IQSEC2: variants seen among roughly 807,000 people sequenced by gnomAD.
The protein encoded by IQSEC2 is IQ motif and Sec7 domain ArfGEF 2, also known as IQ motif and SEC7 domain-containing protein 2.
A neutral mutation model predicts 74.6 loss-of-function variants in IQSEC2; 6 were observed. The observed-to-expected ratio is 0.08, with a 90% CI of 0.04 to 0.16. IQSEC2 has a LOEUF of 0.16. IQSEC2 is among the 10% of genes least tolerant of loss of function. IQSEC2 has a pLI of 1.00. For missense variants in IQSEC2, 734 were observed against 1,306.2 expected (o/e 0.56, Z 6.75); for synonymous variants, 494 against 544.5 (o/e 0.91, Z 1.29).
chrX:53,262,715 G>GGCTT (rs782579005), intron 2 of IQSEC2, among the ~76,000 whole-genome samples: 1 of 112,716 alleles, frequency 8.9e-6, no homozygotes, highest in East Asian at 2.8e-4. Context: ...AGCCCAGCCT[G>GGCTT]GCTTGGCACA....
At position 53,250,651 on chromosome X, in the gene IQSEC2, G is replaced by T; in HGVS notation, c.1925C>A (p.Pro642Gln). 8.3e-7 allele frequency: 1 copy of T among 1,209,411 alleles called. No individual in the cohort carries two copies. The highest frequency in any genetic ancestry group is 1.1e-6 in the Non-Finnish European group (1 of 894,448). ...LKHKGPPGRAPIPHRHYPAPE... is the reference protein window; with the variant it reads ...LKHKGPPGRAQIPHRHYPAPE... ...GGCTGGGTAGTGGCGGTGTGGGATC[G>T]GGGCCCTGCCTGGTGGCCCCTTGTG... The change falls in exon 5 of 15, where the codon CCG becomes CAG. Residue 642 changes from proline to glutamine, a missense_variant. Pro to Gln is a moderately conservative substitution (Grantham distance 76). This residue lies in a region of IQSEC2 where 204 missense variants were observed against 305.4 expected (regional missense o/e 0.67). Coordinates refer to ENST00000642864, the MANE Select transcript of IQSEC2 (RefSeq NM_001111125.3).
intron 2 of IQSEC2, among the ~76,000 whole-genome samples, chrX:53,270,829 G>A (rs1310580798): frequency 2.7e-5 from 3 of 110,003 alleles, no homozygotes; most frequent in East Asian, 2.9e-4. Flanking sequence ...CTCTCTCCCC[G>A]GTTACCTCTT....
At chrX:53,289,262 C>G (rs782054084) in intron 2 of IQSEC2, among the ~76,000 whole-genome samples, 20 of 110,804 alleles carry the variant, frequency 1.8e-4, no homozygotes, top group Admixed American at 5.7e-4. Flanking sequence ...ACCCACCCCC[C>G]AAATGGAGGC....
At chrX:53,235,706 G>A (rs1164517909) in intron 14 of IQSEC2, 77 bp downstream of exon 14, 1 of 1,045,526 alleles carries the variant, frequency 9.6e-7, no homozygotes, top group East Asian at 3.3e-5. Flanking sequence ...GGAGCAACAG[G>A]TCCCCTCCTC....
At chrX:53,314,676 A>C (rs782099114) in intron 1 of IQSEC2, among the ~76,000 whole-genome samples, 1 of 112,035 alleles carries the variant, frequency 8.9e-6, no homozygotes, top group South Asian at 3.7e-4. Flanking sequence ...GTCTGTACAA[A>C]GACGAGAGGA....
chrX:53,313,645 G>A (rs1556878459), intron 1 of IQSEC2, among the ~76,000 whole-genome samples: 1 of 112,281 alleles, frequency 8.9e-6, no homozygotes, highest in Non-Finnish European at 1.9e-5. Flanking sequence ...GAGGGGCCAA[G>A]TCTTATGTCA....
In IQSEC2 at chrX:53,275,728, C is replaced by CTTT. The variant is rs1219701474; in HGVS notation, c.737+16164_737+16166dup. ...AACAGAACAACAAGTTGCCCTCATT[C>CTTT]TTTTTTTTTTTTTTTTTTTTGAGAC... On this transcript the variant is annotated intron_variant, in intron 2 of 14. Coordinates refer to ENST00000642864, the MANE Select transcript of IQSEC2 (RefSeq NM_001111125.3). 6.4e-3 allele frequency among the ~76,000 whole-genome samples: 525 copies of CTTT among 81,662 alleles called. 13 individuals carry two copies. Among genetic ancestry groups the CTTT allele is most frequent in the African/African-American group, 0.023 (489 of 21,199 alleles). 70.9% of individuals were successfully genotyped at this position (81,662 alleles called of 115,157 possible). A position where few individuals can be genotyped will look rare whatever the true frequency, so the allele number is the denominator to read the frequency against.
intron 2 of IQSEC2, chrX:53,279,437 C>G (rs2147249912): frequency 4.3e-6 from 2 of 462,886 alleles, no homozygotes; most frequent in East Asian, 3.5e-5. Flanking sequence ...AGGCACTCTC[C>G]TCATACACTC....
chrX:53,240,240 T>C (rs2074197605), intron 10 of IQSEC2, among the ~76,000 whole-genome samples: 1 of 112,075 alleles, frequency 8.9e-6, no homozygotes. Flanking sequence ...CAACTGGGGG[T>C]GATATTGCCC....
intron 8 of IQSEC2, among the ~76,000 whole-genome samples, chrX:53,243,742 T>C (rs1237243095): frequency 1.8e-5 from 2 of 112,028 alleles, no homozygotes; most frequent in Non-Finnish European, 3.8e-5. Flanking sequence ...GCCTTCCTAA[T>C]TAGCAAAAAT....
Position 53,238,193 on chromosome X carries a change from G to A in IQSEC2, c.3229C>T (p.Arg1077Cys), listed in dbSNP as rs782569979. The A allele has an allele frequency of 5.0e-6, 6 of 1,208,650 alleles. No homozygotes were observed. Among genetic ancestry groups the A allele is most frequent in the Non-Finnish European group, 6.7e-6 (6 of 894,240 alleles). The change falls in exon 12 of 15, where the codon CGC becomes TGC. Residue 1077 changes from arginine (R) to cysteine (C), a missense_variant. This residue lies in a region of IQSEC2 where 249 missense variants were observed against 467.9 expected (regional missense o/e 0.53). Transcript: ENST00000642864. ...QDRLRFTSDL[R>C]ESIAEVQEME... ...TCCTGCACCTCCGCAATGGACTCGC[G>A]CAGGTCGGATGTAAAGCGCAGCCGG... is the stretch of plus-strand genomic sequence containing the variant.
chrX:53,314,486 A>G (rs2075349291), intron 1 of IQSEC2, among the ~76,000 whole-genome samples: 1 of 111,887 alleles, frequency 8.9e-6, no homozygotes, highest in East Asian at 2.8e-4. Context: ...AGGGTCAAGG[A>G]TAGACCAAAC....
chrX:53,243,622 G>T (rs1455780795), intron 8 of IQSEC2, 151 bp from the exon 9 acceptor site: 1 of 832,928 alleles, frequency 1.2e-6, no homozygotes, highest in Non-Finnish European at 1.6e-6. Flanking sequence ...GATTGGGGCA[G>T]GGAGGGTGTC....
In IQSEC2 at chrX:53,234,343, G is replaced by C; in HGVS notation, c.4343C>G (p.Pro1448Arg). 1 of 322,860 alleles carries C rather than the reference G, an allele frequency of 3.1e-6. No homozygotes were observed. Among genetic ancestry groups the C allele is most frequent in the Non-Finnish European group, 4.7e-6 (1 of 214,624 alleles). 26.6% of individuals were successfully genotyped at this position (322,860 alleles called of 1,213,427 possible). Reference sequence around the variant, plus strand: ...GGAGGTGGGTGGAAGGGGTGAGTGCGGGGTGTGAGGGGAGGGTGGGGGGAG... The same window carrying C: ...GGAGGTGGGTGGAAGGGGTGAGTGCCGGGTGTGAGGGGAGGGTGGGGGGAG... Reference protein sequence around the residue: ...PPLPPPSPHTPHSPLPPTSPH... With the variant: ...PPLPPPSPHTRHSPLPPTSPH... The change falls in exon 15 of 15, where the codon CCG (proline) becomes CGG (arginine). Residue 1448 changes from proline to arginine, a missense_variant. Physicochemically the swap from Pro to Arg is moderately radical, Grantham distance 103 (BLOSUM62 -2). This residue lies in a region of IQSEC2 where 38 missense variants were observed against 36.7 expected (regional missense o/e 1.04). Coordinates refer to ENST00000642864, the MANE Select transcript of IQSEC2 (RefSeq NM_001111125.3).
chrX:53,248,965 C>A lies in IQSEC2; in HGVS notation c.2298-83G>T, dbSNP rs2074346714. The A allele has an allele frequency of 1.5e-5, 15 of 982,226 alleles. No individual in the cohort carries two copies. In the South Asian group the frequency reaches 1.6e-4, roughly 11 times the overall value. 80.9% of individuals were successfully genotyped at this position (982,226 alleles called of 1,213,427 possible). A position where few individuals can be genotyped will look rare whatever the true frequency, so the allele number is the denominator to read the frequency against. On this transcript the variant is annotated intron_variant, in intron 5 of 14. Transcript: ENST00000642864. ...CTCATTTGTTGAACTAATTTTGGGC[C>A]CAACTAAGTCCGGCCTCAGAGGACC...
At chrX:53,317,473 T>C (rs1569340151) in intron 1 of IQSEC2, among the ~76,000 whole-genome samples, 1 of 111,620 alleles carries the variant, frequency 9.0e-6, no homozygotes, top group Non-Finnish European at 1.9e-5. Flanking sequence ...GGAGTCTGTC[T>C]TATGAGTAAT....
chrX:53,308,163 CAAAAAA>C (rs142766855), intron 1 of IQSEC2, among the ~76,000 whole-genome samples: 1 of 37,775 alleles, frequency 2.6e-5, no homozygotes, highest in Non-Finnish European at 4.3e-5. Flanking sequence ...GACTCCATCT[CAAAAAA>C]AAAAAAAAAA....
At chrX:53,270,144 C>G (rs782583885) in intron 2 of IQSEC2, among the ~76,000 whole-genome samples, 1 of 110,940 alleles carries the variant, frequency 9.0e-6, no homozygotes, top group Non-Finnish European at 1.9e-5. Flanking sequence ...GGACCTCTGA[C>G]TCAGCATCTC....
intron 1 of IQSEC2, among the ~76,000 whole-genome samples, chrX:53,314,420 G>C (rs2075348411): frequency 9.0e-6 from 1 of 111,711 alleles, no homozygotes; most frequent in South Asian, 3.7e-4. Context: ...CTAACAGAGG[G>C]GACATGAGAT....
Sources: allele counts gnomAD v4.1 joint callset (sites outside exome capture counted in the v4.1 genomes callset), GRCh38; gene constraint gnomAD v4.1.1; regional missense constraint gnomAD v4.1.1; transcripts MANE v1.5; gene names NCBI Gene and HGNC (gene_info 2026-07-23, HGNC 2026-07-21).